The following KLC4 variants were observed in gnomAD, a reference collection of about 807,000 sequenced individuals.
KLC4 encodes kinesin light chain 4, also known as kinesin-like protein 8.
Under a neutral mutation model 77.2 loss-of-function variants are expected in KLC4, and 49 were observed. That is an observed-to-expected ratio of 0.63 (90% CI 0.50 to 0.80). KLC4 has a LOEUF of 0.80. KLC4 is among the 30% of genes least tolerant of loss of function. The pLI is 0.00. For missense variants in KLC4, 669 were observed against 793.5 expected (o/e 0.84, Z 1.89); for synonymous variants, 274 against 314.5 (o/e 0.87, Z 1.36).
At chr6:43,067,719 C>T (rs1385384474) in intron 6 of KLC4, among the ~76,000 whole-genome samples, 1 of 146,192 alleles carries the variant, frequency 6.8e-6, no homozygotes, top group Non-Finnish European at 1.5e-5. Context: ...GGCGTGAACC[C>T]GGGAGGCGGA....
rs781410261 is a variant in KLC4 at position 43,071,659 on chromosome 6, G to A, written c.1308+40G>A. The A allele has an allele frequency of 2.3e-5, 37 of 1,596,682 alleles. 1 individual carries two copies. The South Asian group carries it at 4.0e-4, about 17-fold the overall frequency. ...GGGGGGCCAGCCTGGGGAGCTCAAG[G>A]CTACCGGGGTCTCTGTCTTACTCCT... On this transcript the variant is annotated intron_variant, in intron 10 of 15. Coordinates refer to ENST00000347162, the MANE Select transcript of KLC4 (RefSeq NM_201521.3).
intron 7 of KLC4, 70 bp downstream of exon 7, chr6:43,070,525 C>A: frequency 7.2e-7 from 1 of 1,388,420 alleles, no homozygotes; most frequent in Non-Finnish European, 1.0e-6. Context: ...TCTGGTCTAA[C>A]CCTCCTCCTT....
chr6:43,070,200 T>C (rs1765649479), intron 6 of KLC4, 154 bp from the exon 7 acceptor site: 2 of 546,230 alleles, frequency 3.7e-6, no homozygotes, highest in Admixed American at 3.1e-5. Flanking sequence ...GTTCAGCAAT[T>C]TCCCCTCCCT....
Position 43,074,774 on chromosome 6 carries a change from G to A in KLC4, c.*102G>A, listed in dbSNP as rs1225394707. 6.3e-6 allele frequency: 6 copies of A among 948,688 alleles called. No homozygotes were observed. Among genetic ancestry groups the A allele is most frequent in the Non-Finnish European group, 1.0e-5 (6 of 581,806 alleles). 58.8% of individuals were successfully genotyped at this position (948,688 alleles called of 1,614,324 possible). Reference sequence around the variant, plus strand: ...CTTCCCCACCCCTAGGTGGGACAGTGAAGGGGAGCAGTTTAACCAGAAGAT... The same window carrying A: ...CTTCCCCACCCCTAGGTGGGACAGTAAAGGGGAGCAGTTTAACCAGAAGAT... On this transcript the variant is annotated 3_prime_UTR_variant, in exon 16 of 16. Coordinates refer to ENST00000347162, the MANE Select transcript of KLC4 (RefSeq NM_201521.3).
intron 6 of KLC4, 61 bp downstream of exon 6, chr6:43,067,144 C>T (rs1478801445): frequency 3.2e-6 from 5 of 1,585,218 alleles, no homozygotes; most frequent in Non-Finnish European, 4.3e-6. Flanking sequence ...CTGTTTTGGC[C>T]TCTCTTAGCT....
At chr6:43,070,258 A>C in intron 6 of KLC4, 96 bp from the exon 7 acceptor site, 2 of 766,834 alleles carry the variant, frequency 2.6e-6, no homozygotes, top group East Asian at 2.5e-5. Flanking sequence ...AGAGTTGTGC[A>C]GTGAGTGTTG....
intron 6 of KLC4, 162 bp downstream of exon 6, chr6:43,067,245 A>T: frequency 7.6e-7 from 1 of 1,323,664 alleles, no homozygotes; most frequent in Non-Finnish European, 9.7e-7. Context: ...CAGTGATCCT[A>T]ATGATTCTCA....
At chr6:43,060,167 C>G (rs768675257) in intron 1 of KLC4, 1 of 1,612,174 alleles carries the variant, frequency 6.2e-7, no homozygotes, top group Non-Finnish European at 8.5e-7. Context: ...ACGGTGATTC[C>G]TCTCAGAGCC....
chr6:43,062,487 A>G (rs914044319), intron 2 of KLC4: 1 of 172,218 alleles, frequency 5.8e-6, no homozygotes, highest in Non-Finnish European at 1.3e-5. Context: ...CTCTTGATCC[A>G]CCCGCCTTGG....
At position 43,063,666 on chromosome 6, in the gene KLC4, GC is replaced by G. The variant is rs747321920; in HGVS notation, c.489+521del. Among the ~76,000 whole-genome samples the G allele has an allele frequency of 1.9e-3, 283 of 151,754 alleles. 1 individual carries two copies. The highest frequency in any genetic ancestry group is 3.3e-3 in the Non-Finnish European group (226 of 67,994). ...CCTCCCGGGTTCAAGCAATTCTCCTGCCTCAGCCTCTTGAGTAGCTAGGATT... is the reference window on the plus strand; with the variant it reads ...CCTCCCGGGTTCAAGCAATTCTCCTGCTCAGCCTCTTGAGTAGCTAGGATT... On this transcript the variant is annotated intron_variant, in intron 3 of 15. Coordinates refer to ENST00000347162, the MANE Select transcript of KLC4 (RefSeq NM_201521.3).
At chr6:43,060,646 G>A (rs146989381) in intron 1 of KLC4, 6 of 1,106,548 alleles carry the variant, frequency 5.4e-6, no homozygotes, top group Middle Eastern at 4.2e-4. Context: ...CCCCTCTGAG[G>A]AAGTGGGAAC....
chr6:43,065,762 G>GTACAGGGTGGGCCACA, intron 4 of KLC4, 61 bp downstream of exon 4: 1 of 1,151,740 alleles, frequency 8.7e-7, no homozygotes, highest in Non-Finnish European at 1.3e-6. Context: ...CCCTAGCTGT[G>GTACAGGGTGGGCCACA]GCCCACCCTG....
At position 43,071,697 on chromosome 6, in the gene KLC4, A is replaced by G. The variant is rs1232458687; in HGVS notation, c.1308+78A>G. Reference sequence around the variant, plus strand: ...CTGTCTTACTCCTTGCATTAGCCCAACTCTCACTTCCCATCCCAGCACCAG... The same window carrying G: ...CTGTCTTACTCCTTGCATTAGCCCAGCTCTCACTTCCCATCCCAGCACCAG... On this transcript the variant is annotated intron_variant, in intron 10 of 15. Coordinates refer to ENST00000347162, the MANE Select transcript of KLC4 (RefSeq NM_201521.3). The G allele has an allele frequency of 6.0e-6, 9 of 1,504,668 alleles. No homozygotes were observed. The East Asian group carries it at 1.6e-4, about 27-fold the overall frequency. 93.2% of individuals were successfully genotyped at this position (1,504,668 alleles called of 1,614,324 possible).
intron 8 of KLC4, 74 bp from the exon 9 acceptor site, chr6:43,071,201 A>G (rs1218742173): frequency 7.3e-6 from 1 of 136,432 alleles, no homozygotes; most frequent in Non-Finnish European, 1.6e-5. Context: ...GACCTTGTCT[A>G]AAAAAAAAAA....
intron 13 of KLC4, 106 bp from the exon 14 acceptor site, chr6:43,073,117 G>A (rs1246120007): frequency 1.6e-5 from 21 of 1,303,640 alleles, no homozygotes; most frequent in Non-Finnish European, 2.1e-5. Context: ...TCCAGTCACT[G>A]GGCCTTGGGG....
At chr6:43,062,118 C>T (rs1190670523) in intron 2 of KLC4, among the ~76,000 whole-genome samples, 1 of 152,100 alleles carries the variant, frequency 6.6e-6, no homozygotes, top group East Asian at 1.9e-4. Flanking sequence ...CAGTGAACAG[C>T]AAGGGGCCAG....
At chr6:43,064,728 G>A (rs535159542) in intron 3 of KLC4, among the ~76,000 whole-genome samples, 1 of 152,354 alleles carries the variant, frequency 6.6e-6, no homozygotes, top group South Asian at 2.1e-4. Context: ...CCCAGGGAAA[G>A]TGAGTAGATG....
rs767402249 is a variant in KLC4, at chr6:43,073,347, G to A, written c.1745+9G>A. ...GAGCCTCGGCCCTCCAGGTATACAT[G>A]GAAGTCAAGATACAGTAAAGTGGCC... is the stretch of plus-strand genomic sequence containing the variant. On this transcript the variant is annotated intron_variant, in intron 14 of 15. Coordinates refer to ENST00000347162, the MANE Select transcript of KLC4 (RefSeq NM_201521.3). 5.6e-6 allele frequency: 9 copies of A among 1,598,032 alleles called. No homozygotes were observed. In the South Asian group the frequency reaches 8.8e-5, roughly 16 times the overall value.
rs939243945 is a variant in KLC4 at position 43,070,612 on chromosome 6, G to A, written c.982-80G>A. On this transcript the variant is annotated intron_variant, in intron 7 of 15. Transcript: ENST00000347162. ...CCTTTCCTCTGCTTTCCACATGTGT[G>A]TGCCTACATGCAAACACACGTGTGC... The A allele has an allele frequency of 5.4e-6, 8 of 1,485,802 alleles. No homozygotes were observed. In the African/African-American group the frequency reaches 8.3e-5, roughly 15 times the overall value. The allele number at this position is 1,485,802 out of a possible 1,614,324, so 92.0% of individuals were successfully genotyped here.
Sources: allele counts gnomAD v4.1 joint callset (sites outside exome capture counted in the v4.1 genomes callset), GRCh38; gene constraint gnomAD v4.1.1; transcripts MANE v1.5; gene names NCBI Gene and HGNC (gene_info 2026-07-23, HGNC 2026-07-21).